ETS1: variants seen among roughly 807,000 people sequenced by gnomAD.
The protein encoded by ETS1 is ETS proto-oncogene 1, transcription factor.
In ETS1, 15 loss-of-function variants were observed where a neutral mutation model predicts 58.6. That is an observed-to-expected ratio of 0.26 (90% CI 0.17 to 0.39). The LOEUF (loss-of-function observed/expected upper bound fraction) is 0.39. Ranked by LOEUF, ETS1 falls within the 10% of genes least tolerant of loss-of-function variation. ETS1 has a pLI of 1.00. For synonymous variants in ETS1, 214 were observed against 218.2 expected (o/e 0.98, Z 0.17); for missense variants, 417 against 610.5 (o/e 0.68, Z 3.34).
At chr11:128,522,359 T>C (rs752125999) in intron 3 of ETS1, 19 of 996,396 alleles carry the variant, frequency 1.9e-5, no homozygotes, top group Non-Finnish European at 1.1e-5. Flanking sequence ...CCCTCCTCTT[T>C]AGGGCGTTTC....
intron 3 of ETS1, chr11:128,526,108 G>A (rs1248736684): frequency 2.1e-5 from 3 of 139,624 alleles, no homozygotes; most frequent in Admixed American, 7.2e-5. Flanking sequence ...TTGTTTAGAA[G>A]GCACAATAAA....
intron 3 of ETS1, among the ~76,000 whole-genome samples, chr11:128,495,796 C>G (rs1301463409): frequency 6.6e-6 from 1 of 152,150 alleles, no homozygotes; most frequent in Non-Finnish European, 1.5e-5. Context: ...TCACATACGC[C>G]ATTAGTGTAG....
rs1861986915 is a variant in ETS1, at chr11:128,464,638, T to C, written c.1124-1011A>G. On this transcript the variant is annotated intron_variant, in intron 8 of 9. Coordinates refer to ENST00000392668, the MANE Select transcript of ETS1 (RefSeq NM_001143820.2). This position sits in a 1 kb window ranked among gnomAD's most constrained non-coding sequence, Gnocchi z 4.1. ...GCGGGACTGGGAAAGACCCAGTCCATGTCTCTGGATACAGCCCAGGAAGCA... is the reference window on the plus strand; with the variant it reads ...GCGGGACTGGGAAAGACCCAGTCCACGTCTCTGGATACAGCCCAGGAAGCA... Among the ~76,000 whole-genome samples the C allele has an allele frequency of 6.6e-6, 1 of 152,312 alleles. No individual in the cohort carries two copies. Among genetic ancestry groups the C allele is most frequent in the Non-Finnish European group, 1.5e-5 (1 of 68,022 alleles).
rs375904494 is a variant in ETS1, at chr11:128,464,630, C to A, written c.1124-1003G>T. 1.1e-4 allele frequency among the ~76,000 whole-genome samples: 17 copies of A among 152,190 alleles called. No homozygotes were observed. The highest frequency in any genetic ancestry group is 4.1e-4 in the African/African-American group (17 of 41,506). On this transcript the variant is annotated intron_variant, in intron 8 of 9. Transcript: ENST00000392668. This position sits in a 1 kb window ranked among gnomAD's most constrained non-coding sequence, Gnocchi z 4.1. ...TGGGCAGAGCGGGACTGGGAAAGAC[C>A]CAGTCCATGTCTCTGGATACAGCCC...
chr11:128,577,892 G>A (rs1452446079), intron 1 of ETS1, among the ~76,000 whole-genome samples: 3 of 148,824 alleles, frequency 2.0e-5, no homozygotes, highest in East Asian at 2.0e-4. Flanking sequence ...CACGTGGGAG[G>A]GAATTCTCTT....
chr11:128,489,251 C>A (rs961676633), intron 5 of ETS1, 39 bp downstream of exon 5: 2 of 1,584,630 alleles, frequency 1.3e-6, no homozygotes, highest in Admixed American at 3.3e-5. Flanking sequence ...CACAGCAACC[C>A]CACATAACCT....
intron 3 of ETS1, among the ~76,000 whole-genome samples, chr11:128,499,863 C>T (rs1428517946): frequency 1.3e-5 from 2 of 151,906 alleles, no homozygotes; most frequent in Non-Finnish European, 2.9e-5. Flanking sequence ...GCAAGGTGTA[C>T]GATGAGGAGT....
Position 128,459,009 on chromosome 11 carries a change from T to A in ETS1, c.*3352A>T, listed in dbSNP as rs1014516456. ...TTAAAAAGCACCTGCTTTTCCTTTT[T>A]TTCATCTTGCTTCTAAATTTTCAGC... is the stretch of plus-strand genomic sequence containing the variant. On this transcript the variant is annotated 3_prime_UTR_variant, in exon 10 of 10. Transcript: ENST00000392668. 1.3e-5 allele frequency: 2 copies of A among 152,586 alleles called. No homozygotes were observed. The highest frequency in any genetic ancestry group is 4.8e-5 in the African/African-American group (2 of 41,400). 9.5% of individuals were successfully genotyped at this position (152,586 alleles called of 1,614,324 possible).
chr11:128,502,495 G>A (rs1863117058), intron 3 of ETS1, among the ~76,000 whole-genome samples: 1 of 152,156 alleles, frequency 6.6e-6, no homozygotes, highest in Non-Finnish European at 1.5e-5. Flanking sequence ...AATTATACAT[G>A]TTTAGGAGCA....
intron 2 of ETS1, among the ~76,000 whole-genome samples, chr11:128,569,469 C>A (rs1293841969): frequency 1.3e-5 from 2 of 151,618 alleles, no homozygotes; most frequent in East Asian, 3.9e-4. Flanking sequence ...CTCTGGTTGC[C>A]TGGGGCTCTG....
Position 128,463,787 on chromosome 11 carries a change from G to T in ETS1, c.1124-160C>A. 1.9e-6 allele frequency: 1 copy of T among 528,708 alleles called. No homozygotes were observed. The highest frequency in any genetic ancestry group is 2.6e-5 in the South Asian group (1 of 38,778). The allele number at this position is 528,708 out of a possible 1,614,324, so 32.8% of individuals were successfully genotyped here. ...GCACATGTCGGAGGAAGTGTTATGA[G>T]CTCGAACAGATAGAAAAGACAAAGG... On this transcript the variant is annotated intron_variant, in intron 8 of 9. Transcript: ENST00000392668. The surrounding 1 kb of genome is among the most constrained non-coding windows in gnomAD (Gnocchi z 4.1).
chr11:128,489,166 C>T (rs902455938), intron 5 of ETS1, 124 bp downstream of exon 5: 4 of 785,226 alleles, frequency 5.1e-6, no homozygotes, highest in Non-Finnish European at 8.9e-6. Flanking sequence ...CACATTCCCA[C>T]ATACGTCCTA....
At chr11:128,530,836 G>A (rs1305810346) in intron 3 of ETS1, among the ~76,000 whole-genome samples, 1 of 152,130 alleles carries the variant, frequency 6.6e-6, no homozygotes, top group Non-Finnish European at 1.5e-5. Context: ...TTTCTTTCAG[G>A]GGATTCCACA....
chr11:128,510,114 A>G (rs1232411834), intron 3 of ETS1, among the ~76,000 whole-genome samples: 1 of 152,194 alleles, frequency 6.6e-6, no homozygotes, highest in Non-Finnish European at 1.5e-5. Context: ...CTTATATGAA[A>G]TAAGGATGCA....
intron 3 of ETS1, among the ~76,000 whole-genome samples, chr11:128,536,169 C>T (rs561893381): frequency 6.6e-6 from 1 of 152,126 alleles, no homozygotes; most frequent in Non-Finnish European, 1.5e-5. Context: ...GACAAAGAGA[C>T]CCTCATTTTT....
intron 2 of ETS1, among the ~76,000 whole-genome samples, chr11:128,570,484 C>T (rs1378739121): frequency 3.3e-5 from 5 of 151,982 alleles, no homozygotes; most frequent in African/African-American, 7.3e-5. Flanking sequence ...TCAACTGATC[C>T]GCCCGCCTCA....
In ETS1 at chr11:128,556,378, T is replaced by A; in HGVS notation, c.127A>T (p.Asn43Tyr). 1 of 1,613,546 alleles carries A rather than the reference T, an allele frequency of 6.2e-7. No individual in the cohort carries two copies. The highest frequency in any genetic ancestry group is 8.5e-7 in the Non-Finnish European group (1 of 1,179,502). ...TAGCAAGGTCTTTGCTGGTGATAAT[T>A]GGACTGGAAACCACAGTTCATTCGA... ...DPRMNCGFQS[N>Y]YHQQRPCYPF... Residue 43 changes from asparagine to tyrosine, a missense_variant, in exon 3 of 10, where the codon AAT becomes TAT. Asn to Tyr is a moderately radical substitution (Grantham distance 143). Transcript: ENST00000392668.
Position 128,540,336 on chromosome 11 carries a change from A to AG in ETS1, c.214+15954_214+15955insC, listed in dbSNP as rs1341494244. ...ATTCCATCTCAAAAAAAAAAAAAAA[A>AG]AAGAAGAAGAAGAAAAATGTTCTAA... On this transcript the variant is annotated intron_variant, in intron 3 of 9. Coordinates refer to ENST00000392668, the MANE Select transcript of ETS1 (RefSeq NM_001143820.2). Among the ~76,000 whole-genome samples, 92 of 151,686 alleles carry AG rather than the reference A, an allele frequency of 6.1e-4. 1 individual carries two copies. In the East Asian group the frequency reaches 0.013, roughly 21 times the overall value.
At position 128,500,377 on chromosome 11, in the gene ETS1, T is replaced by A. The variant is rs1373997658; in HGVS notation, c.215-9801A>T. ...TCATCAATTTTGAAAGGAAATTCTC[T>A]CTCAACTTTCTTATTTATTTATACA... On this transcript the variant is annotated intron_variant, in intron 3 of 9. Transcript: ENST00000392668. Among the ~76,000 whole-genome samples, 3 of 152,210 alleles carry A rather than the reference T, an allele frequency of 2.0e-5. No homozygotes were observed. The East Asian group carries it at 5.8e-4, about 29-fold the overall frequency.
Sources: allele counts gnomAD v4.1 joint callset (sites outside exome capture counted in the v4.1 genomes callset), GRCh38; gene constraint gnomAD v4.1.1; non-coding constraint Gnocchi (gnomAD v3.1); transcripts MANE v1.5; gene names NCBI Gene and HGNC (gene_info 2026-07-23, HGNC 2026-07-21).